PITPNM2: variants seen among roughly 807,000 people sequenced by gnomAD.
PITPNM2 encodes the protein phosphatidylinositol transfer protein membrane associated 2.
Under a neutral mutation model 132.2 loss-of-function variants are expected in PITPNM2, and 35 were observed. The observed-to-expected ratio is 0.26, with a 90% CI of 0.20 to 0.35. The LOEUF (loss-of-function observed/expected upper bound fraction) is 0.35, where lower values mean the gene tolerates loss of function less well. PITPNM2 is among the 10% of genes least tolerant of loss of function. PITPNM2 has a pLI of 1.00. For synonymous variants in PITPNM2, 738 were observed against 799.2 expected, an observed-to-expected ratio of 0.92 and a Z score of 1.29; for missense variants, 1,332 against 1,912.0, an observed-to-expected ratio of 0.70 and a Z score of 5.66.
chr12:123,065,682 C>T (rs2041387563), intron 2 of PITPNM2, among the ~76,000 whole-genome samples: 1 of 152,200 alleles, frequency 6.6e-6, no homozygotes, highest in Non-Finnish European at 1.5e-5. Flanking sequence ...GTATGTAAAG[C>T]CTGTGGGTGT....
chr12:123,122,637 G>A (rs2043054715), intron 1 of PITPNM2, among the ~76,000 whole-genome samples: 1 of 152,064 alleles, frequency 6.6e-6, no homozygotes, highest in Admixed American at 6.6e-5. Context: ...GACAGAGAAG[G>A]GGCAAGGTAG....
chr12:123,063,402 G>GA (rs2041313025), intron 2 of PITPNM2, among the ~76,000 whole-genome samples: 3 of 152,346 alleles, frequency 2.0e-5, no homozygotes, highest in Admixed American at 2.0e-4. Flanking sequence ...TCTTGGGCTT[G>GA]GTGAGAGGCA....
intron 14 of PITPNM2, among the ~76,000 whole-genome samples, 170 bp from the exon 15 acceptor site, chr12:122,995,149 C>T (rs1256317922): frequency 6.6e-6 from 1 of 152,140 alleles, no homozygotes; most frequent in Non-Finnish European, 1.5e-5. Context: ...TCTGCCATTC[C>T]CCACCCTCAC....
rs532111498 is a variant in PITPNM2, at chr12:123,093,747, G to C, written c.-96+16638C>G. ...AGACAGGCTGTTGCAGCCCAGGAGA[G>C]ACTGCTCTTCCATGGCTTTAATACC... On this transcript the variant is annotated intron_variant, in intron 2 of 25. Transcript: ENST00000320201. 2.0e-5 allele frequency among the ~76,000 whole-genome samples: 3 copies of C among 152,376 alleles called. No homozygotes were observed. In the South Asian group the frequency reaches 6.2e-4, roughly 32 times the overall value.
At chr12:123,057,380 CA>C (rs61274833) in intron 2 of PITPNM2, among the ~76,000 whole-genome samples, 14,375 of 92,202 alleles carry the variant, frequency 0.16, 1,489 homozygotes, top group African/African-American at 0.36. Flanking sequence ...AACTCTATCT[CA>C]AAAAAAAAAA....
Position 123,005,554 on chromosome 12 carries a change from C to A in PITPNM2, c.644-6G>T. 6.2e-7 allele frequency: 1 copy of A among 1,609,880 alleles called. No homozygotes were observed. Among genetic ancestry groups the A allele is most frequent in the Non-Finnish European group, 8.5e-7 (1 of 1,177,742 alleles). ...CACCATCACCCTCCGTAGTCCTGTG[C>A]CCCATGGGGATCAGAGAGGGAGAGA... On this transcript the variant is annotated splice_region_variant and splice_polypyrimidine_tract_variant and intron_variant, in intron 6 of 25. Coordinates refer to ENST00000320201, the MANE Select transcript of PITPNM2 (RefSeq NM_020845.3). The surrounding 1 kb of genome is among the most constrained non-coding windows in gnomAD (Gnocchi z 6.2).
At position 122,997,445 on chromosome 12, in the gene PITPNM2, G is replaced by T; in HGVS notation, c.1352C>A (p.Thr451Asn). 1 of 1,613,580 alleles carries T rather than the reference G, an allele frequency of 6.2e-7. No homozygotes were observed. Among genetic ancestry groups the T allele is most frequent in the Non-Finnish European group, 8.5e-7 (1 of 1,180,008 alleles). Residue 451 changes from threonine to asparagine, a missense_variant, in exon 11 of 26, where the codon ACC becomes AAC. Transcript: ENST00000320201. ...GACGGTGTCGAACACGTTGGCGATGGTGTTAGCATCGCCCTTCTTGGAGCT... is the reference window on the plus strand; with the variant it reads ...GACGGTGTCGAACACGTTGGCGATGTTGTTAGCATCGCCCTTCTTGGAGCT... ...DPSSKKGDAN[T>N]IANVFDTVMR... is the part of the protein sequence containing the mutation.
At chr12:122,990,396 C>T in intron 17 of PITPNM2, 149 bp downstream of exon 17, 1 of 1,163,190 alleles carries the variant, frequency 8.6e-7, no homozygotes, top group Non-Finnish European at 1.2e-6. Flanking sequence ...AGGTGCCCAG[C>T]AGCCTCCCTC....
In PITPNM2 at chr12:122,989,481, G is replaced by A. The variant is rs549014500; in HGVS notation, c.2731+306C>T. The stretch of plus-strand genomic sequence containing the variant: ...TTGTAAAGTGCCCCCTGGGCTGTCC[G>A]CAGGAGAGGCCCAGCAGCAGGGCCT... On this transcript the variant is annotated intron_variant, in intron 18 of 25. Coordinates refer to ENST00000320201, the MANE Select transcript of PITPNM2 (RefSeq NM_020845.3). 1.6e-4 allele frequency among the ~76,000 whole-genome samples: 24 copies of A among 152,264 alleles called. No individual in the cohort carries two copies. In the East Asian group the frequency reaches 3.3e-3, roughly 21 times the overall value.
In PITPNM2 at chr12:122,986,294, C is replaced by T. The variant is rs775272581; in HGVS notation, c.3783G>A (p.Ala1261=). ...GGGTGGCCGTGTTGCGAGCGGGCCG[C>T]GCCCGGTGGCTGTACTTCAGCTGCG... ...HLAQLKYSHR[A]RPARNTATRM... The change falls in exon 26 of 26, where the codon GCG becomes GCA. Residue 1261 remains alanine, a synonymous_variant. Coordinates refer to ENST00000320201, the MANE Select transcript of PITPNM2 (RefSeq NM_020845.3). 2.1e-5 allele frequency: 34 copies of T among 1,581,440 alleles called. No individual in the cohort carries two copies. The Middle Eastern group carries it at 5.0e-4, about 23-fold the overall frequency.
intron 19 of PITPNM2, 43 bp from the exon 20 acceptor site, chr12:122,988,393 CG>C: frequency 2.6e-6 from 4 of 1,549,400 alleles, no homozygotes; most frequent in Non-Finnish European, 1.8e-6. Context: ...AGATGCCACC[CG>C]GGGGCTTCCT....
intron 16 of PITPNM2, chr12:122,991,983 GCTC>G: frequency 1.6e-6 from 2 of 1,216,898 alleles, no homozygotes; most frequent in Non-Finnish European, 2.1e-6. Flanking sequence ...GAGACTCAGG[GCTC>G]CTCGAGGACC....
At chr12:123,018,582 G>C (rs2039539080) in intron 3 of PITPNM2, among the ~76,000 whole-genome samples, 1 of 151,746 alleles carries the variant, frequency 6.6e-6, no homozygotes, top group Non-Finnish European at 1.5e-5. Context: ...TTACAGGCAT[G>C]AGCCACTACG....
At chr12:123,132,168 A>T (rs2137561476) in intron 1 of PITPNM2, among the ~76,000 whole-genome samples, 1 of 152,262 alleles carries the variant, frequency 6.6e-6, no homozygotes. Context: ...TTATCTTTCC[A>T]CTCACTGAGA....
intron 2 of PITPNM2, among the ~76,000 whole-genome samples, chr12:123,034,993 T>C (rs1370576994): frequency 2.0e-5 from 3 of 152,230 alleles, no homozygotes; most frequent in Non-Finnish European, 4.4e-5. Flanking sequence ...GCTCTTGTTT[T>C]ACTCACAATC....
At chr12:123,066,084 G>C (rs548603519) in intron 2 of PITPNM2, among the ~76,000 whole-genome samples, 1 of 152,344 alleles carries the variant, frequency 6.6e-6, no homozygotes, top group East Asian at 1.9e-4. Flanking sequence ...CACAGCTGAG[G>C]TGTCAGTGTG....
chr12:123,100,811 C>A (rs1033176627), intron 2 of PITPNM2, among the ~76,000 whole-genome samples: 1 of 152,204 alleles, frequency 6.6e-6, no homozygotes, highest in African/African-American at 2.4e-5. Flanking sequence ...AAGACTGAGA[C>A]CCAGTCAGAC....
intron 1 of PITPNM2, among the ~76,000 whole-genome samples, chr12:123,120,070 A>G (rs577418927): frequency 6.6e-6 from 1 of 152,264 alleles, no homozygotes; most frequent in Non-Finnish European, 1.5e-5. Context: ...GTTTTGCTGC[A>G]TAGCCGACAA....
intron 2 of PITPNM2, among the ~76,000 whole-genome samples, chr12:123,057,380 CAAA>C (rs61274833): frequency 6.5e-5 from 6 of 92,234 alleles, no homozygotes; most frequent in Admixed American, 1.2e-4. Context: ...AACTCTATCT[CAAA>C]AAAAAAAAAA....
Sources: allele counts gnomAD v4.1 joint callset (sites outside exome capture counted in the v4.1 genomes callset), GRCh38; gene constraint gnomAD v4.1.1; non-coding constraint Gnocchi (gnomAD v3.1); transcripts MANE v1.5; gene names NCBI Gene and HGNC (gene_info 2026-07-23, HGNC 2026-07-21).